MRM3: variants seen among roughly 807,000 people sequenced by gnomAD.
The protein encoded by MRM3 is mitochondrial rRNA methyltransferase 3.
A neutral mutation model predicts 29.4 loss-of-function variants in MRM3; 26 were observed. The observed-to-expected ratio is 0.89, with a 90% CI of 0.65 to 1.23. The LOEUF is 1.23. Among genes scored for constraint, MRM3 ranks in the 50% most tolerant of loss-of-function variants. The probability of loss-of-function intolerance (pLI) is 0.00; values close to 1 mark genes in which losing one functional copy is unlikely to be tolerated. For missense variants in MRM3, 578 were observed against 540.2 expected, an observed-to-expected ratio of 1.07 and a Z score of -0.69; for synonymous variants, 225 against 219.0, an observed-to-expected ratio of 1.03 and a Z score of -0.24.
chr17:791,642 C>A lies in MRM3; in HGVS notation c.836C>A (p.Pro279His), dbSNP rs369634300. Residue 279 changes from proline to histidine, a missense_variant, in exon 4 of 4, where the codon CCC becomes CAC. Transcript: ENST00000304478. ...LEWETVPNYL[P>H]PDTRVYVADN... ...TGGGAAACCGTGCCCAATTACCTGCCCCCTGACACTCGGGTCTATGTGGCT... is the reference window on the plus strand; with the variant it reads ...TGGGAAACCGTGCCCAATTACCTGCACCCTGACACTCGGGTCTATGTGGCT... The A allele has an allele frequency of 1.2e-6, 2 of 1,614,026 alleles. No homozygotes were observed. Among genetic ancestry groups the A allele is most frequent in the Non-Finnish European group, 1.7e-6 (2 of 1,180,048 alleles).
chr17:783,048 A>C (rs1910248545), intron 1 of MRM3, 35 bp from the exon 2 acceptor site: 1 of 1,535,466 alleles, frequency 6.5e-7, no homozygotes, highest in Non-Finnish European at 8.7e-7. Context: ...GGATGTTGAT[A>C]GTTACCTGTT....
intron 2 of MRM3, among the ~76,000 whole-genome samples, chr17:784,221 C>T (rs1284703424): frequency 6.6e-6 from 1 of 152,118 alleles, no homozygotes; most frequent in African/African-American, 2.4e-5. Context: ...AAACTGAATC[C>T]TTGAACTGCT....
intron 3 of MRM3, 150 bp downstream of exon 3, chr17:788,282 G>C: frequency 2.8e-6 from 2 of 719,210 alleles, no homozygotes; most frequent in Non-Finnish European, 4.5e-6. Flanking sequence ...ACTACAATTA[G>C]CTGGGTGTGG....
chr17:783,484 C>A (rs1910345170), intron 2 of MRM3, 157 bp downstream of exon 2: 5 of 654,346 alleles, frequency 7.6e-6, no homozygotes, highest in Non-Finnish European at 1.2e-5. Context: ...TTACAGGCGT[C>A]TGCCACCATG....
chr17:790,882 C>T (rs570774230), intron 3 of MRM3, among the ~76,000 whole-genome samples: 4 of 8,886 alleles, frequency 4.5e-4, no homozygotes, highest in African/African-American at 4.3e-3. Context: ...CACCCCCACC[C>T]GCTGATTGGC....
At chr17:789,645 G>A (rs1395641865) in intron 3 of MRM3, 1 of 152,212 alleles carries the variant, frequency 6.6e-6, no homozygotes, top group East Asian at 1.9e-4. Flanking sequence ...TCTCAGTCAC[G>A]CCTTGCTAGA....
chr17:785,950 C>T (rs1025379883), intron 2 of MRM3, among the ~76,000 whole-genome samples: 9 of 152,182 alleles, frequency 5.9e-5, no homozygotes, highest in Non-Finnish European at 1.3e-4. Context: ...AAGAAGATCG[C>T]AGTCAGTCAG....
intron 2 of MRM3, among the ~76,000 whole-genome samples, chr17:784,325 G>A (rs901316165): frequency 3.9e-5 from 6 of 152,192 alleles, no homozygotes; most frequent in Non-Finnish European, 7.3e-5. Context: ...TAGATCCTAG[G>A]ATGGGGACTT....
At chr17:786,333 G>T (rs978887321) in intron 2 of MRM3, among the ~76,000 whole-genome samples, 1 of 152,192 alleles carries the variant, frequency 6.6e-6, no homozygotes, top group Non-Finnish European at 1.5e-5. Context: ...GAGTGTAGTG[G>T]CGTGATCTCC....
In MRM3 at chr17:787,054, C is replaced by T. The variant is rs1910566032; in HGVS notation, c.560-911C>T. ...GGTCAGGAGTTCGAGACCAGCCTGG[C>T]CAACATGGCAAAATCCCGTCTCTAT... On this transcript the variant is annotated intron_variant, in intron 2 of 3. Coordinates refer to ENST00000304478, the MANE Select transcript of MRM3 (RefSeq NM_018146.4). The surrounding 1 kb of genome is among the most constrained non-coding windows in gnomAD (Gnocchi z 4.1). Among the ~76,000 whole-genome samples the T allele has an allele frequency of 6.6e-6, 1 of 152,074 alleles. No homozygotes were observed. Among genetic ancestry groups the T allele is most frequent in the Admixed American group, 6.6e-5 (1 of 15,266 alleles).
At chr17:783,399 C>T (rs1333364698) in intron 2 of MRM3, 72 bp downstream of exon 2, 2 of 1,436,972 alleles carry the variant, frequency 1.4e-6, no homozygotes, top group African/African-American at 1.4e-5. Context: ...TGCAATGGCG[C>T]GATCTCGGCC....
At position 782,363 on chromosome 17, in the gene MRM3, C is replaced by A. The variant is rs765719267; in HGVS notation, c.-16C>A. 3.1e-6 allele frequency: 5 copies of A among 1,613,374 alleles called. No homozygotes were observed. Among genetic ancestry groups the A allele is most frequent in the Non-Finnish European group, 2.5e-6 (3 of 1,179,722 alleles). ...CGACGGCGCGCTTTCGTGACGCAGC[C>A]CGGGTCTCAGGGAACATGGCGGCGC... On this transcript the variant is annotated 5_prime_UTR_variant, in exon 1 of 4. Transcript: ENST00000304478.
chr17:788,134 T>C lies in MRM3; in HGVS notation c.727+2T>C. On this transcript the variant is annotated splice_donor_variant, in intron 3 of 3. Transcript: ENST00000304478. LOFTEE classifies it high-confidence loss of function. ...GCAGCAAAGTGTTACTCACCAAAGG[T>C]AAGGACATCAAAGGCCAGGCATAGT... The C allele has an allele frequency of 6.2e-7, 1 of 1,613,894 alleles. No homozygotes were observed. Among genetic ancestry groups the C allele is most frequent in the Non-Finnish European group, 8.5e-7 (1 of 1,179,932 alleles).
At chr17:785,018 C>T (rs1036725783) in intron 2 of MRM3, among the ~76,000 whole-genome samples, 1 of 152,274 alleles carries the variant, frequency 6.6e-6, no homozygotes, top group South Asian at 2.1e-4. Flanking sequence ...CTCCTGACTT[C>T]AGTCAGTAGC....
intron 3 of MRM3, among the ~76,000 whole-genome samples, chr17:789,358 T>C (rs532778741): frequency 1.4e-4 from 22 of 152,302 alleles, no homozygotes; most frequent in African/African-American, 4.8e-4. Context: ...GTGATCCGTT[T>C]CCCTTAGATT....
chr17:786,499 TCTC>T (rs1186342510), intron 2 of MRM3, among the ~76,000 whole-genome samples: 1 of 152,044 alleles, frequency 6.6e-6, no homozygotes, highest in East Asian at 1.9e-4. Context: ...ATGATCTTGA[TCTC>T]CTAACCTCAT....
In MRM3 at chr17:788,091, C is replaced by G; in HGVS notation, c.686C>G (p.Ser229Cys). ...DPGNLGTILR[S>C]AAGAGCSKVL... ...GGGAACCTGGGGACAATTCTGAGAT[C>G]TGCAGCTGGGGCAGGCTGCAGCAAA... Residue 229 changes from serine to cysteine, a missense_variant, in exon 3 of 4, where the codon TCT (serine) becomes TGT (cysteine). Coordinates refer to ENST00000304478, the MANE Select transcript of MRM3 (RefSeq NM_018146.4). 3 of 1,614,206 alleles carry G rather than the reference C, an allele frequency of 1.9e-6. No homozygotes were observed. Among genetic ancestry groups the G allele is most frequent in the Non-Finnish European group, 2.5e-6 (3 of 1,180,036 alleles).
chr17:788,278 A>G (rs1910632668), intron 3 of MRM3, 146 bp downstream of exon 3: 8 of 741,440 alleles, frequency 1.1e-5, no homozygotes, highest in Middle Eastern at 3.7e-4. Context: ...AAAAACTACA[A>G]TTAGCTGGGT....
chr17:790,497 C>G (rs1337174441), intron 3 of MRM3: 1 of 183,538 alleles, frequency 5.4e-6, no homozygotes, highest in Non-Finnish European at 1.2e-5. Context: ...TGTGCCACTA[C>G]AGCCCCAGCG....
Sources: allele counts gnomAD v4.1 joint callset (sites outside exome capture counted in the v4.1 genomes callset), GRCh38; gene constraint gnomAD v4.1.1; non-coding constraint Gnocchi (gnomAD v3.1); transcripts MANE v1.5; gene names NCBI Gene and HGNC (gene_info 2026-07-23, HGNC 2026-07-21).